Variants in CALN1 observed in about 807,000 individuals in gnomAD.
The protein encoded by CALN1 is calcium-binding protein 8.
In CALN1, 17 loss-of-function variants were observed where a neutral mutation model predicts 30.6. The observed-to-expected ratio is 0.56, with a 90% CI of 0.38 to 0.83. The LOEUF is 0.83. CALN1 is among the 40% of genes least tolerant of loss of function. CALN1 has a pLI of 0.00. For synonymous variants in CALN1, 156 were observed against 131.4 expected (o/e 1.19, Z -1.28); for missense variants, 291 against 354.9 (o/e 0.82, Z 1.45).
chr7:72,138,230 A>G (rs1003665468), intron 3 of CALN1, among the ~76,000 whole-genome samples: 2 of 152,210 alleles, frequency 1.3e-5, no homozygotes, highest in African/African-American at 4.8e-5. Flanking sequence ...TGACATGTAA[A>G]GATGGAATTA....
At chr7:71,792,222 AG>A (rs1781079116) in intron 6 of CALN1, among the ~76,000 whole-genome samples, 1 of 152,204 alleles carries the variant, frequency 6.6e-6, no homozygotes, top group East Asian at 1.9e-4. Context: ...TCTATTATTT[AG>A]AAGTCTGTAA....
intron 2 of CALN1, among the ~76,000 whole-genome samples, chr7:72,384,101 A>G (rs941942075): frequency 6.6e-5 from 10 of 152,216 alleles, no homozygotes; most frequent in African/African-American, 2.4e-4. Context: ...GCATTCCTGG[A>G]TATGACTTGG....
At position 72,106,141 on chromosome 7, in the gene CALN1, C is replaced by T. The variant is rs554143221; in HGVS notation, c.388+10G>A. On this transcript the variant is annotated intron_variant, in intron 4 of 6. Transcript: ENST00000395275. Reference sequence around the variant, plus strand: ...TGTCTCAGGGGAGAAGCTGCTTGTCCGGGTCTTACCGTCCATGTCCAAGCG... The same window carrying T: ...TGTCTCAGGGGAGAAGCTGCTTGTCTGGGTCTTACCGTCCATGTCCAAGCG... 39 of 1,612,590 alleles carry T rather than the reference C, an allele frequency of 2.4e-5. No individual in the cohort carries two copies. The highest frequency in any genetic ancestry group is 2.3e-4 in the African/African-American group (17 of 74,990).
intron 3 of CALN1, among the ~76,000 whole-genome samples, chr7:72,115,484 C>CTTTTTTTTTTTTTTTTTTTTTTTTTT (rs71069026): frequency 1.2e-5 from 1 of 80,598 alleles, no homozygotes. Flanking sequence ...CATATACATT[C>CTTTTTTTTTTTTTTTTTTTTTTTTTT]TTTTTTTTTT....
intron 5 of CALN1, among the ~76,000 whole-genome samples, chr7:71,890,800 C>G (rs1413217390): frequency 7.5e-6 from 1 of 133,902 alleles, no homozygotes; most frequent in Non-Finnish European, 1.5e-5. Context: ...GACTGGAGTG[C>G]AGTGGTGCAG....
intron 5 of CALN1, among the ~76,000 whole-genome samples, chr7:71,846,375 A>G (rs1790236142): frequency 6.6e-6 from 1 of 152,128 alleles, no homozygotes; most frequent in Non-Finnish European, 1.5e-5. Flanking sequence ...CATGGTCATG[A>G]AATAATGACA....
At chr7:72,403,491 ATTC>A (rs964147880) in intron 1 of CALN1, 49 bp from the exon 2 acceptor site, 6 of 689,024 alleles carry the variant, frequency 8.7e-6, no homozygotes, top group African/African-American at 5.4e-5. Context: ...CTGGGCGATT[ATTC>A]TTCTCAAAGC....
At chr7:72,034,810 A>AG (rs1801690538) in intron 4 of CALN1, among the ~76,000 whole-genome samples, 1 of 150,806 alleles carries the variant, frequency 6.6e-6, no homozygotes, top group African/African-American at 2.4e-5. Context: ...AAAAAAAAAA[A>AG]AAAAAAAAAG....
chr7:71,783,829 T>C lies in CALN1; in HGVS notation c.*3946A>G, dbSNP rs541325173. 8 of 152,758 alleles carry C rather than the reference T, an allele frequency of 5.2e-5. No homozygotes were observed. The highest frequency in any genetic ancestry group is 1.9e-4 in the African/African-American group (8 of 41,586). 9.5% of individuals were successfully genotyped at this position (152,758 alleles called of 1,614,324 possible). A position where few individuals can be genotyped will look rare whatever the true frequency, so the allele number is the denominator to read the frequency against. On this transcript the variant is annotated 3_prime_UTR_variant, in exon 7 of 7. Coordinates refer to ENST00000395275, the MANE Select transcript of CALN1 (RefSeq NM_031468.4). The stretch of plus-strand genomic sequence containing the variant: ...ATTATTGTCAAAAGCAGCTGTCCAT[T>C]TTTCATAGGCTCTTTTGGATAACTG...
chr7:72,409,872 G>T (rs902100514), intron 1 of CALN1, among the ~76,000 whole-genome samples: 2 of 151,996 alleles, frequency 1.3e-5, no homozygotes, highest in Non-Finnish European at 2.9e-5. Flanking sequence ...TGCATCTTGT[G>T]GTCTCTGCTA....
intron 2 of CALN1, among the ~76,000 whole-genome samples, chr7:72,400,248 T>C (rs1256560279): frequency 6.6e-6 from 1 of 152,166 alleles, no homozygotes; most frequent in Non-Finnish European, 1.5e-5. Context: ...TCTGACCCTC[T>C]TCTCTTGGGC....
At chr7:72,247,901 G>A (rs1204329999) in intron 3 of CALN1, among the ~76,000 whole-genome samples, 1 of 152,208 alleles carries the variant, frequency 6.6e-6, no homozygotes, top group East Asian at 1.9e-4. Context: ...GGAAGGCTGA[G>A]ACAGGAGGAT....
At position 72,054,482 on chromosome 7, in the gene CALN1, T is replaced by TATAC. The variant is rs1554425508; in HGVS notation, c.389-30714_389-30713insGTAT. Among the ~76,000 whole-genome samples, 46 of 40,870 alleles carry TATAC rather than the reference T, an allele frequency of 1.1e-3. 2 individuals carry two copies. The highest frequency in any genetic ancestry group is 2.3e-3 in the Non-Finnish European group (39 of 16,626). The allele number at this position is 40,870 out of a possible 152,430, so 26.8% of individuals were successfully genotyped here. A position where few individuals can be genotyped will look rare whatever the true frequency, so the allele number is the denominator to read the frequency against. Reference sequence around the variant, plus strand: ...ACATATATATACATATATACATACATATATATATACATATATACATATATA... The same window carrying TATAC: ...ACATATATATACATATATACATACATATACATATATATACATATATACATATATA... On this transcript the variant is annotated intron_variant, in intron 4 of 6. Transcript: ENST00000395275.
At chr7:72,111,172 AC>A (rs1318272793) in intron 3 of CALN1, among the ~76,000 whole-genome samples, 1 of 151,932 alleles carries the variant, frequency 6.6e-6, no homozygotes, top group African/African-American at 2.4e-5. Context: ...AATTTTAACC[AC>A]CTCCAAGATG....
intron 6 of CALN1, among the ~76,000 whole-genome samples, chr7:71,805,270 T>C (rs948325073): frequency 2.0e-5 from 3 of 152,110 alleles, no homozygotes; most frequent in African/African-American, 4.8e-5. Flanking sequence ...ACCTGTTTGC[T>C]CTAATGAGAG....
intron 3 of CALN1, among the ~76,000 whole-genome samples, chr7:72,189,547 T>C (rs1346141836): frequency 6.6e-6 from 1 of 152,046 alleles, no homozygotes; most frequent in East Asian, 1.9e-4. Flanking sequence ...CCAATTCCAT[T>C]CCATCACTTG....
intron 3 of CALN1, among the ~76,000 whole-genome samples, chr7:72,257,177 C>T (rs552497897): frequency 1.3e-5 from 2 of 152,158 alleles, no homozygotes; most frequent in African/African-American, 2.4e-5. Context: ...CATCAAATCT[C>T]GTGAGAACTC....
chr7:72,054,403 A>C (rs1361107141), intron 4 of CALN1, among the ~76,000 whole-genome samples: 1 of 33,830 alleles, frequency 3.0e-5, no homozygotes, highest in Non-Finnish European at 4.5e-5. Context: ...ATATATGTAC[A>C]TATATATATA....
At chr7:71,869,487 C>A (rs1791794699) in intron 5 of CALN1, among the ~76,000 whole-genome samples, 2 of 152,202 alleles carry the variant, frequency 1.3e-5, no homozygotes, top group African/African-American at 4.8e-5. Context: ...GTTGGGATTA[C>A]AGGCTTGAGC....
Sources: allele counts gnomAD v4.1 joint callset (sites outside exome capture counted in the v4.1 genomes callset), GRCh38; gene constraint gnomAD v4.1.1; transcripts MANE v1.5; gene names NCBI Gene and HGNC (gene_info 2026-07-23, HGNC 2026-07-21).